CSGALNACT1: variants seen among roughly 807,000 people sequenced by gnomAD.
CSGALNACT1 encodes beta4GalNAcT-1.
A neutral mutation model predicts 51.0 loss-of-function variants in CSGALNACT1; 52 were observed. The ratio of observed to expected loss-of-function variants is 1.02; its 90% CI spans 0.82 to 1.29. CSGALNACT1 has a LOEUF of 1.29. CSGALNACT1 is among the 50% of genes most tolerant of loss of function. CSGALNACT1 has a pLI of 0.00. For missense variants in CSGALNACT1, 935 were observed against 679.2 expected (o/e 1.38, Z -4.19); for synonymous variants, 341 against 254.4 (o/e 1.34, Z -3.24).
intron 3 of CSGALNACT1, among the ~76,000 whole-genome samples, chr8:19,533,911 A>T (rs552758762): frequency 2.0e-5 from 3 of 152,260 alleles, no homozygotes; most frequent in Middle Eastern, 3.4e-3. Flanking sequence ...AGGGGAAGAA[A>T]AAGAGAATCT....
At chr8:19,416,748 T>C (rs1356244975) in intron 8 of CSGALNACT1, among the ~76,000 whole-genome samples, 1 of 152,236 alleles carries the variant, frequency 6.6e-6, no homozygotes, top group Non-Finnish European at 1.5e-5. Context: ...TGTAGTTGGC[T>C]ATGTTATGTA....
At position 19,461,392 on chromosome 8, in the gene CSGALNACT1, G is replaced by C. The variant is rs369234439; in HGVS notation, c.635-2750C>G. On this transcript the variant is annotated intron_variant, in intron 4 of 9. Coordinates refer to ENST00000454498, the Ensembl canonical transcript of CSGALNACT1. ...AAATGAGGTGGGGCTGAGTCTGAAAGCAGCCACATTCACCATGGAGGGTGT... is the reference window on the plus strand; with the variant it reads ...AAATGAGGTGGGGCTGAGTCTGAAACCAGCCACATTCACCATGGAGGGTGT... Among the ~76,000 whole-genome samples the C allele has an allele frequency of 1.4e-4, 22 of 152,210 alleles. No homozygotes were observed. The East Asian group carries it at 3.5e-3, about 24-fold the overall frequency.
intron 1 of CSGALNACT1, among the ~76,000 whole-genome samples, chr8:19,608,585 T>C (rs1017028666): frequency 2.6e-5 from 4 of 152,262 alleles, no homozygotes; most frequent in Non-Finnish European, 4.4e-5. Flanking sequence ...GCTCAGTTTT[T>C]AAAATTACCA....
intron 6 of CSGALNACT1, among the ~76,000 whole-genome samples, chr8:19,424,903 A>G (rs975978585): frequency 6.6e-6 from 1 of 152,252 alleles, no homozygotes; most frequent in African/African-American, 2.4e-5. Context: ...CCAGGCAGGC[A>G]TGCTGCTTTA....
chr8:19,749,462 G>T (rs899503670), intron 1 of CSGALNACT1, among the ~76,000 whole-genome samples: 1 of 152,060 alleles, frequency 6.6e-6, no homozygotes, highest in Non-Finnish European at 1.5e-5. Flanking sequence ...AATAAATAAC[G>T]AGTTAAGGCT....
At chr8:19,745,058 T>C (rs1290218835) in intron 1 of CSGALNACT1, among the ~76,000 whole-genome samples, 1 of 152,230 alleles carries the variant, frequency 6.6e-6, no homozygotes, top group Admixed American at 6.5e-5. Context: ...AGACATTTGT[T>C]CCAATGCTGG....
At chr8:19,405,787 T>G in exon 10 of CSGALNACT1, 1 of 1,614,182 alleles carries the variant, frequency 6.2e-7, no homozygotes, top group East Asian at 2.2e-5. Flanking sequence ...AGTTCATGTT[T>G]TTTTGCTACT....
At chr8:19,462,901 A>G (rs1019360218) in intron 4 of CSGALNACT1, among the ~76,000 whole-genome samples, 1 of 152,048 alleles carries the variant, frequency 6.6e-6, no homozygotes. Context: ...TAGTGTACAG[A>G]TAATTTTGTC....
chr8:19,544,133 G>A (rs2085923236), intron 3 of CSGALNACT1, among the ~76,000 whole-genome samples: 1 of 150,706 alleles, frequency 6.6e-6, no homozygotes, highest in Non-Finnish European at 1.5e-5. Flanking sequence ...GAAAAGAATA[G>A]TTTGGTGACC....
At chr8:19,661,767 G>A (rs2058757173) in intron 1 of CSGALNACT1, among the ~76,000 whole-genome samples, 1 of 152,146 alleles carries the variant, frequency 6.6e-6, no homozygotes, top group African/African-American at 2.4e-5. Context: ...TTCATTTCCA[G>A]TAGAAGCTGC....
At chr8:19,726,264 T>C (rs35097430) in intron 1 of CSGALNACT1, among the ~76,000 whole-genome samples, 10,692 of 152,190 alleles carry the variant, frequency 0.07, 479 homozygotes, top group Middle Eastern at 0.14. Flanking sequence ...CTTTGATAAA[T>C]GAAATAGCCC....
At chr8:19,739,097 T>C (rs1563187514) in intron 1 of CSGALNACT1, among the ~76,000 whole-genome samples, 1 of 151,954 alleles carries the variant, frequency 6.6e-6, no homozygotes. Flanking sequence ...GGTGGTTATG[T>C]ACAATAAAGA....
rs1023465710 is a variant in CSGALNACT1 at position 19,511,131 on chromosome 8, G to C, written c.-296-5001C>G. Reference sequence around the variant, plus strand: ...AGAAAGGACAGTGGCTTCATGGCAAGGCCAGGGCAGGCAGCACTACATGCT... The same window carrying C: ...AGAAAGGACAGTGGCTTCATGGCAACGCCAGGGCAGGCAGCACTACATGCT... On this transcript the variant is annotated intron_variant, in intron 3 of 9. Transcript: ENST00000454498. Among the ~76,000 whole-genome samples, 54 of 152,252 alleles carry C rather than the reference G, an allele frequency of 3.5e-4. 1 individual carries two copies. The highest frequency in any genetic ancestry group is 3.1e-3 in the Admixed American group (48 of 15,288).
At chr8:19,418,557 G>T in intron 8 of CSGALNACT1, 99 bp downstream of exon 7, 1 of 817,082 alleles carries the variant, frequency 1.2e-6, no homozygotes, top group Non-Finnish European at 2.1e-6. Context: ...GGGAATCATT[G>T]CACAGATTTC....
At chr8:19,475,708 G>A (rs2069424085) in intron 4 of CSGALNACT1, among the ~76,000 whole-genome samples, 1 of 152,154 alleles carries the variant, frequency 6.6e-6, no homozygotes, top group Non-Finnish European at 1.5e-5. Flanking sequence ...AACCCAACAG[G>A]AACATCCTTT....
intron 5 of CSGALNACT1, among the ~76,000 whole-genome samples, chr8:19,445,744 A>G (rs1009997707): frequency 6.6e-6 from 1 of 152,248 alleles, no homozygotes; most frequent in African/African-American, 2.4e-5. Context: ...ATGAAAAACC[A>G]TGGCTGGCCG....
At chr8:19,659,680 C>T (rs570366551) in intron 1 of CSGALNACT1, among the ~76,000 whole-genome samples, 5 of 152,332 alleles carry the variant, frequency 3.3e-5, no homozygotes, top group Admixed American at 3.3e-4. Context: ...ATAGAATACA[C>T]ATCCCATGAA....
At chr8:19,405,454 A>C in exon 10 of CSGALNACT1, 1 of 508,654 alleles carries the variant, frequency 2.0e-6, no homozygotes, top group Non-Finnish European at 3.8e-6. Flanking sequence ...TAAATCATGA[A>C]TATTTCAATG....
intron 5 of CSGALNACT1, among the ~76,000 whole-genome samples, chr8:19,448,164 A>C (rs1279021886): frequency 2.0e-5 from 3 of 152,212 alleles, no homozygotes; most frequent in Non-Finnish European, 2.9e-5. Flanking sequence ...ATCTTGCCAG[A>C]GTAGGGGAGA....
Sources: gnomAD v4.1 joint callset for allele counts (sites outside exome capture counted in the v4.1 genomes callset) on GRCh38, gnomAD v4.1.1 for gene constraint, MANE v1.5 for transcripts, NCBI Gene and HGNC (gene_info 2026-07-23, HGNC 2026-07-21) for gene names.